The following KDM2B variants were observed in gnomAD, a reference collection of about 807,000 sequenced individuals.
The protein encoded by KDM2B is lysine demethylase 2B.
KDM2B carries 26 observed loss-of-function variants against 150.0 expected under a neutral mutation model. The observed-to-expected ratio is 0.17, with a 90% CI of 0.13 to 0.24. The LOEUF (loss-of-function observed/expected upper bound fraction) is 0.24. KDM2B is among the 10% of genes least tolerant of loss of function. The probability of loss-of-function intolerance (pLI) is 1.00; values close to 1 mark genes in which losing one functional copy is unlikely to be tolerated. For missense variants in KDM2B, 1,265 were observed against 1,816.9 expected, an observed-to-expected ratio of 0.70 and a Z score of 5.52; for synonymous variants, 734 against 729.5, an observed-to-expected ratio of 1.01 and a Z score of -0.10.
In KDM2B at chr12:121,521,022, A is replaced by G; in HGVS notation, c.1010T>C (p.Met337Thr). ...CTCGATCTCGTAGATCCGCAGCTGC[A>G]TGGGCACGTTAAAGCTGTGCAGGAT... is the stretch of plus-strand genomic sequence containing the variant. Reference protein sequence around the residue: ...GNILHSFNVPMQLRIYEIEDR... With the variant: ...GNILHSFNVPTQLRIYEIEDR... Residue 337 changes from methionine (M) to threonine (T), a missense_variant, in exon 9 of 23, where the codon ATG becomes ACG. Met to Thr is a moderately conservative substitution (Grantham distance 81, BLOSUM62 -1). Transcript: ENST00000377071. This position sits in a 1 kb window ranked among gnomAD's most constrained non-coding sequence, Gnocchi z 4.9. 1 of 1,614,016 alleles carries G rather than the reference A, an allele frequency of 6.2e-7. No homozygotes were observed. Among genetic ancestry groups the G allele is most frequent in the Non-Finnish European group, 8.5e-7 (1 of 1,179,962 alleles).
At chr12:121,542,864 A>G (rs782387939) in intron 6 of KDM2B, among the ~76,000 whole-genome samples, 17 of 152,156 alleles carry the variant, frequency 1.1e-4, no homozygotes, top group Non-Finnish European at 2.5e-4. Context: ...ACCACAATGT[A>G]TGCTCCACGA....
Position 121,453,286 on chromosome 12 carries a change from G to A in KDM2B, c.1793C>T (p.Ala598Val). Residue 598 changes from alanine (A) to valine (V), a missense_variant, in exon 13 of 23, where the codon GCC becomes GTC. By Grantham distance (64) the Ala-to-Val change is moderately conservative (BLOSUM62 0). Coordinates refer to ENST00000377071, the MANE Select transcript of KDM2B (RefSeq NM_032590.5). The surrounding 1 kb of genome is among the most constrained non-coding windows in gnomAD (Gnocchi z 6.4). ...AGCTCCTGCCGTTGTCCGGTTGGCG[G>A]CCAACTTCACCGCGGAGGCCGGGCC... ...KLGPASAVKL[A>V]ANRTTAGARR... 1 of 1,604,912 alleles carries A rather than the reference G, an allele frequency of 6.2e-7. No individual in the cohort carries two copies. The highest frequency in any genetic ancestry group is 1.1e-5 in the South Asian group (1 of 89,838).
At chr12:121,532,077 C>T (rs1330340391) in intron 8 of KDM2B, among the ~76,000 whole-genome samples, 9 of 151,660 alleles carry the variant, frequency 5.9e-5, no homozygotes, top group South Asian at 2.1e-4. Flanking sequence ...GCCAAGATCA[C>T]GCCACTGCAC....
chr12:121,444,231 G>A lies in KDM2B; in HGVS notation c.2232C>T (p.Pro744=), dbSNP rs782654038. 1.6e-5 allele frequency: 26 copies of A among 1,613,650 alleles called. No individual in the cohort carries two copies. The East Asian group carries it at 2.0e-4, about 12-fold the overall frequency. Residue 744 remains proline (P), a synonymous_variant, in exon 16 of 23, where the codon CCC becomes CCT. Transcript: ENST00000377071. ...GPGFKYASNL[P]GSLLKEQKMN... ...TCTTCTGCTCCTTGAGCAGGGAGCC[G>A]GGCAGGTTGGAGGCGTACTTAAAGC...
At chr12:121,507,289 G>A (rs532493345) in intron 11 of KDM2B, among the ~76,000 whole-genome samples, 12 of 151,978 alleles carry the variant, frequency 7.9e-5, no homozygotes, top group Admixed American at 3.3e-4. Context: ...ACTTGAACCC[G>A]GGAGGCAGAG....
chr12:121,449,047 G>A (rs1414584717), intron 13 of KDM2B, among the ~76,000 whole-genome samples: 1 of 152,160 alleles, frequency 6.6e-6, no homozygotes, highest in Admixed American at 6.5e-5. Flanking sequence ...ACTGCAGCGG[G>A]GGGCACAGGG....
In KDM2B at chr12:121,578,896, C is replaced by T. The variant is rs1555317371; in HGVS notation, c.177G>A (p.Val59=). ...RYDENEDLSD[V]EEIVSVRGFS... ...AGCCGCGGACGCTGACGATCTCCTCCACGTCCGACAAGTCCTCGTTCTCGT... is the reference window on the plus strand; with the variant it reads ...AGCCGCGGACGCTGACGATCTCCTCTACGTCCGACAAGTCCTCGTTCTCGT... The change falls in exon 2 of 23, where the codon GTG becomes GTA. Residue 59 remains valine, a synonymous_variant. Coordinates refer to ENST00000377071, the MANE Select transcript of KDM2B (RefSeq NM_032590.5). 5 of 1,613,198 alleles carry T rather than the reference C, an allele frequency of 3.1e-6. No homozygotes were observed. Among genetic ancestry groups the T allele is most frequent in the South Asian group, 2.2e-5 (2 of 90,970 alleles).
intron 12 of KDM2B, among the ~76,000 whole-genome samples, chr12:121,465,100 CTTAAAG>C (rs1311699651): frequency 2.6e-5 from 4 of 152,190 alleles, no homozygotes; most frequent in African/African-American, 9.7e-5. Flanking sequence ...AAAAAATCAT[CTTAAAG>C]TTAACAATAC....
chr12:121,415,053 G>A, the KDM2B span, among the ~76,000 whole-genome samples: 5 of 151,940 alleles, frequency 3.3e-5, no homozygotes, highest in African/African-American at 9.7e-5. Flanking sequence ...CCGAGATCAC[G>A]CCATTACACT....
At chr12:121,579,989 GAAAAAAAAAAAA>G (rs35855511) in intron 1 of KDM2B, 31 of 1,208,808 alleles carry the variant, frequency 2.6e-5, no homozygotes, top group Non-Finnish European at 4.3e-6. Flanking sequence ...TACAGATTTG[GAAAAAAAAAAAA>G]AAAAAAAAAG....
the KDM2B span, chr12:121,420,483 A>G: frequency 1.3e-6 from 2 of 1,574,904 alleles, no homozygotes; most frequent in Non-Finnish European, 1.7e-6. Flanking sequence ...GACTGCTGAG[A>G]TGGCTGGGAG....
chr12:121,533,211 C>A lies in KDM2B; in HGVS notation c.778-252G>T, dbSNP rs561614029. On this transcript the variant is annotated intron_variant, in intron 7 of 22. Transcript: ENST00000377071. The surrounding 1 kb of genome is among the most constrained non-coding windows in gnomAD (Gnocchi z 4.1). ...CTGCTGAAATCCCAGGATGGGAGTA[C>A]TTCCTGGACTGGGTGGGACATGCTT... Among the ~76,000 whole-genome samples the A allele has an allele frequency of 1.3e-5, 2 of 152,262 alleles. No homozygotes were observed. The highest frequency in any genetic ancestry group is 4.8e-5 in the African/African-American group (2 of 41,540).
At chr12:121,536,802 C>T (rs1161597411) in intron 6 of KDM2B, among the ~76,000 whole-genome samples, 2 of 152,120 alleles carry the variant, frequency 1.3e-5, no homozygotes, top group African/African-American at 4.8e-5. Flanking sequence ...CAGCTGGAAG[C>T]CCGCGGGTAC....
intron 4 of KDM2B, among the ~76,000 whole-genome samples, chr12:121,559,868 A>G (rs797036087): frequency 1.9e-4 from 29 of 150,982 alleles, no homozygotes; most frequent in African/African-American, 6.8e-4. Flanking sequence ...GTGCCACTGC[A>G]CTCTAGCCTG....
At position 121,509,673 on chromosome 12, in the gene KDM2B, A is replaced by C. The variant is rs1555303532; in HGVS notation, c.1541T>G (p.Leu514Arg). The C allele has an allele frequency of 7.4e-6, 12 of 1,614,064 alleles. No homozygotes were observed. Among genetic ancestry groups the C allele is most frequent in the Non-Finnish European group, 9.3e-6 (11 of 1,180,028 alleles). The change falls in exon 11 of 23, where the codon CTG becomes CGG. Residue 514 changes from leucine (L) to arginine (R), a missense_variant. Around this residue, in one of 11 missense-constraint regions of KDM2B, gnomAD observed 20 missense variants for 49.5 expected, o/e 0.40. Coordinates refer to ENST00000377071, the MANE Select transcript of KDM2B (RefSeq NM_032590.5). Reference protein sequence around the residue: ...AKWTHLTEFELKGLKALVEKL... With the variant: ...AKWTHLTEFERKGLKALVEKL... ...CTCCACCAGAGCTTTCAGGCCCTTC[A>C]GTTCAAACTCAGTGAGATGGGTCCA...
intron 4 of KDM2B, among the ~76,000 whole-genome samples, chr12:121,555,925 T>A (rs1337061680): frequency 6.6e-6 from 1 of 151,944 alleles, no homozygotes; most frequent in Non-Finnish European, 1.5e-5. Context: ...TTTGTTTTTT[T>A]TGTTTTTTGT....
intron 12 of KDM2B, among the ~76,000 whole-genome samples, chr12:121,458,259 C>T (rs1445925046): frequency 6.6e-6 from 1 of 151,940 alleles, no homozygotes; most frequent in Admixed American, 6.6e-5. Context: ...ACCTGTAGTC[C>T]GAGCTACTCA....
chr12:121,513,454 G>C lies in KDM2B; in HGVS notation c.1048-52C>G. ...AGGTCAGTTTCCAGAGGGCGAAGGG[G>C]GAAGGAGGGAGAGAAGTGCGGGGCA... On this transcript the variant is annotated intron_variant, in intron 9 of 22. Transcript: ENST00000377071. The surrounding 1 kb of genome is among the most constrained non-coding windows in gnomAD (Gnocchi z 5.0). 1 of 1,593,452 alleles carries C rather than the reference G, an allele frequency of 6.3e-7. No homozygotes were observed.
chr12:121,493,865 T>C (rs1555300368), intron 12 of KDM2B: 1 of 152,210 alleles, frequency 6.6e-6, no homozygotes, highest in African/African-American at 2.4e-5. Context: ...TATTTTATTT[T>C]ATTTTATTTT....
Sources: gnomAD v4.1 joint callset for allele counts (sites outside exome capture counted in the v4.1 genomes callset) on GRCh38, gnomAD v4.1.1 for gene constraint, gnomAD v4.1.1 regional missense constraint, Gnocchi (gnomAD v3.1) non-coding constraint, MANE v1.5 for transcripts, NCBI Gene and HGNC (gene_info 2026-07-23, HGNC 2026-07-21) for gene names.